Variants in ATAD5 observed in about 807,000 individuals in gnomAD.
ATAD5 encodes the protein ATPase family AAA domain-containing protein 5.
A neutral mutation model predicts 176.9 loss-of-function variants in ATAD5; 58 were observed. That is an observed-to-expected ratio of 0.33 (90% confidence interval 0.27 to 0.41). The LOEUF (loss-of-function observed/expected upper bound fraction) is 0.41, where lower values mean the gene tolerates loss of function less well. Ranked by LOEUF, ATAD5 falls within the 10% of genes least tolerant of loss-of-function variation. ATAD5 has a pLI of 1.00. For missense variants in ATAD5, 1,789 were observed against 2,094.1 expected (o/e 0.85, Z 2.84); for synonymous variants, 640 against 712.6 (o/e 0.90, Z 1.62).
In ATAD5 at chr17:30,876,550, G is replaced by A. The variant is rs1364951562; in HGVS notation, c.3784G>A (p.Gly1262Arg). 2.6e-6 allele frequency: 4 copies of A among 1,524,698 alleles called. No homozygotes were observed. Among genetic ancestry groups the A allele is most frequent in the African/African-American group, 1.4e-5 (1 of 71,348 alleles). 94.4% of individuals were successfully genotyped at this position (1,524,698 alleles called of 1,614,324 possible). A position where few individuals can be genotyped will look rare whatever the true frequency, so the allele number is the denominator to read the frequency against. Residue 1262 changes from glycine (G) to arginine (R), a missense_variant and splice_region_variant, in exon 15 of 23, where the codon GGA becomes AGA. By Grantham distance (125) the Gly-to-Arg change is moderately radical (BLOSUM62 -2). Coordinates refer to ENST00000321990, the MANE Select transcript of ATAD5 (RefSeq NM_024857.5). ...AGGAATGCTTCTGGAAAATAATAAA[G>A]GTAAGACATTAAATTGACAAATTTT... ...EIGMLLENNK[G>R]IKNSFEQKQI...
chr17:30,848,488 G>T (rs1327756271), intron 6 of ATAD5, among the ~76,000 whole-genome samples: 1 of 151,852 alleles, frequency 6.6e-6, no homozygotes, highest in Non-Finnish European at 1.5e-5. Context: ...CAAACTCTTG[G>T]ACTCAGGTGA....
chr17:30,894,992 G>A lies in ATAD5; in HGVS notation c.*79G>A. 1 of 915,858 alleles carries A rather than the reference G, an allele frequency of 1.1e-6. No individual in the cohort carries two copies. Among genetic ancestry groups the A allele is most frequent in the Non-Finnish European group, 1.6e-6 (1 of 637,774 alleles). 56.7% of individuals were successfully genotyped at this position (915,858 alleles called of 1,614,324 possible). On this transcript the variant is annotated 3_prime_UTR_variant, in exon 23 of 23. Coordinates refer to ENST00000321990, the MANE Select transcript of ATAD5 (RefSeq NM_024857.5). ...TTTTTATATTATGTGGATCTTCATG[G>A]AAAAGTATATTTCTCGATGTACATT...
intron 19 of ATAD5, among the ~76,000 whole-genome samples, chr17:30,892,031 T>C (rs1374807128): frequency 6.6e-6 from 1 of 152,060 alleles, no homozygotes; most frequent in African/African-American, 2.4e-5. Flanking sequence ...GGTATTTATT[T>C]TTCTTCTGTG....
At position 30,893,478 on chromosome 17, in the gene ATAD5, A is replaced by C. The variant is rs201994597; in HGVS notation, c.4625A>C (p.Lys1542Thr). The change falls in exon 21 of 23, where the codon AAA becomes ACA. Residue 1542 changes from lysine to threonine, a missense_variant. Lys to Thr is a moderately conservative substitution (Grantham distance 78). Coordinates refer to ENST00000321990, the MANE Select transcript of ATAD5 (RefSeq NM_024857.5). ...SVTVDASAAT[K>T]SMNCLARKHS... ...ACTGTGGATGCCAGTGCAGCAACAA[A>C]AAGTATGAATTGTCTTGCTAGGAAA... 6.2e-7 allele frequency: 1 copy of C among 1,613,550 alleles called. No homozygotes were observed. Among genetic ancestry groups the C allele is most frequent in the South Asian group, 1.1e-5 (1 of 90,834 alleles).
At chr17:30,887,118 A>G in intron 18 of ATAD5, 74 bp from the exon 19 acceptor site, 3 of 1,307,490 alleles carry the variant, frequency 2.3e-6, no homozygotes, top group Non-Finnish European at 3.1e-6. Flanking sequence ...TCACTTTTAG[A>G]TACTATTTGT....
Position 30,835,922 on chromosome 17 carries a change from C to T in ATAD5, c.1841C>T (p.Ser614Phe), listed in dbSNP as rs1346831553. The change falls in exon 2 of 23, where the codon TCT (serine) becomes TTT (phenylalanine). Residue 614 changes from serine to phenylalanine, a missense_variant. Ser to Phe is a radical substitution (Grantham distance 155). This residue lies in a region of ATAD5 where 696 missense variants were observed against 712.5 expected (regional missense o/e 0.98). Coordinates refer to ENST00000321990, the MANE Select transcript of ATAD5 (RefSeq NM_024857.5). Reference protein sequence around the residue: ...PTTETIRGIDSDDVQDNSQLK... With the variant: ...PTTETIRGIDFDDVQDNSQLK... ...ACAGAAACCATTAGAGGTATTGATT[C>T]TGACGATGTACAAGATAATAGTCAA... 2.5e-6 allele frequency: 4 copies of T among 1,613,998 alleles called. No individual in the cohort carries two copies. The highest frequency in any genetic ancestry group is 3.4e-6 in the Non-Finnish European group (4 of 1,180,014).
Position 30,834,948 on chromosome 17 carries a change from T to C in ATAD5, c.867T>C (p.Ile289=), listed in dbSNP as rs1336936489. The change falls in exon 2 of 23, where the codon ATT becomes ATC. Residue 289 remains isoleucine, a synonymous_variant. Transcript: ENST00000321990. ...VEEIPDSTMS[I]CVPSETVDEI... is the part of the protein sequence containing the mutation. Reference sequence around the variant, plus strand: ...AGATACCAGACTCTACAATGTCAATTTGTGTTCCTTCTGAAACTGTCGACG... The same window carrying C: ...AGATACCAGACTCTACAATGTCAATCTGTGTTCCTTCTGAAACTGTCGACG... 1.2e-6 allele frequency: 2 copies of C among 1,613,816 alleles called. No homozygotes were observed. The highest frequency in any genetic ancestry group is 1.7e-6 in the Non-Finnish European group (2 of 1,179,872).
intron 1 of ATAD5, among the ~76,000 whole-genome samples, chr17:30,833,125 T>G (rs925410745): frequency 3.9e-5 from 6 of 152,240 alleles, no homozygotes; most frequent in African/African-American, 1.4e-4. Context: ...GTATGTTCAT[T>G]TAACTGCGAC....
chr17:30,832,355 G>A lies in ATAD5; in HGVS notation c.8G>A (p.Gly3Glu), dbSNP rs768732266. 3 of 1,561,226 alleles carry A rather than the reference G, an allele frequency of 1.9e-6. No individual in the cohort carries two copies. The South Asian group carries it at 3.6e-5, about 19-fold the overall frequency. The change falls in exon 1 of 23, where the codon GGG becomes GAG. Residue 3 changes from glycine to glutamate, a missense_variant. By Grantham distance (98) the Gly-to-Glu change is moderately conservative. This residue lies in a region of ATAD5 where 696 missense variants were observed against 712.5 expected (regional missense o/e 0.98). Coordinates refer to ENST00000321990, the MANE Select transcript of ATAD5 (RefSeq NM_024857.5). MV[G>E]VLAMAAAAAP... The stretch of plus-strand genomic sequence containing the variant: ...TTCCGGGAAGCGGGGAGTATGGTGG[G>A]GGTCCTGGCCATGGCGGCTGCAGCT...
intron 7 of ATAD5, among the ~76,000 whole-genome samples, 187 bp from the exon 8 acceptor site, chr17:30,856,768 G>A (rs1907312524): frequency 6.6e-6 from 1 of 151,842 alleles, no homozygotes. Context: ...TGGAAGGGAA[G>A]TCTAGGTGAT....
At chr17:30,860,863 C>A (rs1458913360) in intron 10 of ATAD5, among the ~76,000 whole-genome samples, 1 of 152,088 alleles carries the variant, frequency 6.6e-6, no homozygotes, top group Admixed American at 6.6e-5. Flanking sequence ...CCTGCTTCAG[C>A]CTCCCGGGTA....
At chr17:30,837,442 C>A in intron 3 of ATAD5, 128 bp downstream of exon 3, 1 of 632,464 alleles carries the variant, frequency 1.6e-6, no homozygotes. Flanking sequence ...AATTGGTTAA[C>A]TACAACCCTA....
chr17:30,892,907 C>T, intron 20 of ATAD5, 119 bp downstream of exon 20: 1 of 871,926 alleles, frequency 1.1e-6, no homozygotes, highest in Non-Finnish European at 1.7e-6. Context: ...TTGTATAAGC[C>T]TTAGGTCTCT....
intron 4 of ATAD5, among the ~76,000 whole-genome samples, chr17:30,842,568 G>A (rs140412023): frequency 3.9e-4 from 59 of 152,152 alleles, no homozygotes; most frequent in African/African-American, 1.0e-3. Flanking sequence ...GTAAGTGCTC[G>A]GTAAATCTAT....
At chr17:30,864,642 GTGTGAGCCACCACA>G (rs1216319694) in intron 10 of ATAD5, 9 of 152,216 alleles carry the variant, frequency 5.9e-5, no homozygotes, top group African/African-American at 2.2e-4. Context: ...GGGATTATAA[GTGTGAGCCACCACA>G]TGTGGCCTCC....
chr17:30,872,318 A>G (rs1010160939), intron 14 of ATAD5, among the ~76,000 whole-genome samples: 5 of 152,142 alleles, frequency 3.3e-5, no homozygotes, highest in East Asian at 1.9e-4. Flanking sequence ...GAGTGCTTCA[A>G]TATTCCATTA....
chr17:30,893,259 G>A, intron 20 of ATAD5, 35 bp from the exon 21 acceptor site: 19 of 1,535,292 alleles, frequency 1.2e-5, no homozygotes, highest in Non-Finnish European at 1.7e-5. Flanking sequence ...ACTATGTACT[G>A]CTGTAACATT....
At chr17:30,849,020 G>A (rs193224604) in intron 6 of ATAD5, among the ~76,000 whole-genome samples, 2 of 152,132 alleles carry the variant, frequency 1.3e-5, no homozygotes, top group African/African-American at 4.8e-5. Flanking sequence ...ACAGGCCTAC[G>A]CCACCATGCT....
At chr17:30,836,180 C>CTT in intron 2 of ATAD5, 132 bp downstream of exon 2, 277 of 652,664 alleles carry the variant, frequency 4.2e-4, no homozygotes, top group South Asian at 7.4e-4. Flanking sequence ...AACAGGATTT[C>CTT]TTTTTTTTTT....
Sources: gnomAD v4.1 joint callset for allele counts (sites outside exome capture counted in the v4.1 genomes callset) on GRCh38, gnomAD v4.1.1 for gene constraint, gnomAD v4.1.1 regional missense constraint, MANE v1.5 for transcripts, NCBI Gene and HGNC (gene_info 2026-07-23, HGNC 2026-07-21) for gene names.